The following SERPINC1 variants were observed in gnomAD, a reference collection of about 807,000 sequenced individuals.
The protein encoded by SERPINC1 is serpin family C member 1.
A neutral mutation model predicts 43.4 loss-of-function variants in SERPINC1; 12 were observed. The ratio of observed to expected loss-of-function variants is 0.28; its 90% confidence interval spans 0.18 to 0.45. The LOEUF (loss-of-function observed/expected upper bound fraction) is 0.45, where lower values mean the gene tolerates loss of function less well. SERPINC1 is among the 20% of genes least tolerant of loss of function. The pLI, the probability that SERPINC1 is intolerant of heterozygous loss-of-function variation, is 1.00. For synonymous variants in SERPINC1, 210 were observed against 218.9 expected (o/e 0.96, Z 0.36); for missense variants, 423 against 578.8 (o/e 0.73, Z 2.76).
At chr1:173,912,446 T>A (rs1221649522) in intron 2 of SERPINC1, among the ~76,000 whole-genome samples, 2 of 151,968 alleles carry the variant, frequency 1.3e-5, no homozygotes, top group Non-Finnish European at 2.9e-5. Context: ...GAAGAGTGAA[T>A]CTATCAGCAA....
intron 1 of SERPINC1, among the ~76,000 whole-genome samples, chr1:173,916,542 T>TTCA (rs2102792609): frequency 6.6e-6 from 1 of 152,264 alleles, no homozygotes; most frequent in African/African-American, 2.4e-5. Context: ...GACCCTGCCA[T>TTCA]TCATCTTCCC....
Position 173,909,861 on chromosome 1 carries a change from A to G in SERPINC1, c.844T>C (p.Ser282Pro). Reference protein sequence around the residue: ...YKADGESCSASMMYQEGKFRY... With the variant: ...YKADGESCSAPMMYQEGKFRY... Reference sequence around the variant, plus strand: ...AACTTGCCTTCCTGGTACATCATAGATGCTGAACACGACTCTCCATCAGCC... The same window carrying G: ...AACTTGCCTTCCTGGTACATCATAGGTGCTGAACACGACTCTCCATCAGCC... Residue 282 changes from serine to proline, a missense_variant, in exon 5 of 7, where the codon TCT becomes CCT. By Grantham distance (74) the Ser-to-Pro change is moderately conservative. Transcript: ENST00000367698. The G allele has an allele frequency of 6.2e-7, 1 of 1,610,664 alleles. No homozygotes were observed. The highest frequency in any genetic ancestry group is 8.5e-7 in the Non-Finnish European group (1 of 1,177,892).
At position 173,910,781 on chromosome 1, in the gene SERPINC1, C is replaced by T. The variant is rs1165785713; in HGVS notation, c.735G>A (p.Leu245=). 1.9e-6 allele frequency: 3 copies of T among 1,613,966 alleles called. No individual in the cohort carries two copies. Among genetic ancestry groups the T allele is most frequent in the African/African-American group, 2.7e-5 (2 of 74,910 alleles). ...TGAAGTAAATGGTGTTAACCAGCAC[C>T]AGAACAGTGAGCTCATTGATGGCTT... ...PSEAINELTV[L]VLVNTIYFKG... Residue 245 remains leucine (L), a synonymous_variant, in exon 4 of 7, where the codon CTG becomes CTA. Coordinates refer to ENST00000367698, the MANE Select transcript of SERPINC1 (RefSeq NM_000488.4).
chr1:173,904,849 A>G (rs1442666833), intron 6 of SERPINC1, among the ~76,000 whole-genome samples: 1 of 152,180 alleles, frequency 6.6e-6, no homozygotes, highest in Non-Finnish European at 1.5e-5. Context: ...TTAGCTTATT[A>G]GCAGACTAGA....
Position 173,910,414 on chromosome 1 carries a change from T to TA in SERPINC1, c.762+339dup, listed in dbSNP as rs201899230. On this transcript the variant is annotated intron_variant, in intron 4 of 6. Coordinates refer to ENST00000367698, the MANE Select transcript of SERPINC1 (RefSeq NM_000488.4). The stretch of plus-strand genomic sequence containing the variant: ...TAACACGGTGAAACCCCGTCTTTAC[T>TA]AAAAAAAAACCAAAAAATTAGCCAG... Among the ~76,000 whole-genome samples the TA allele has an allele frequency of 9.9e-3, 1,493 of 150,818 alleles. 20 individuals are homozygous for TA. Among genetic ancestry groups the TA allele is most frequent in the African/African-American group, 0.032 (1,312 of 41,146 alleles).
At position 173,913,841 on chromosome 1, in the gene SERPINC1, C is replaced by T. The variant is rs544724502; in HGVS notation, c.408+712G>A. Among the ~76,000 whole-genome samples, 5 of 142,248 alleles carry T rather than the reference C, an allele frequency of 3.5e-5. No individual in the cohort carries two copies. In the South Asian group the frequency reaches 8.9e-4, roughly 25 times the overall value. The allele number at this position is 142,248 out of a possible 152,430, so 93.3% of individuals were successfully genotyped here. On this transcript the variant is annotated intron_variant, in intron 2 of 6. Coordinates refer to ENST00000367698, the MANE Select transcript of SERPINC1 (RefSeq NM_000488.4). ...CTGCGCTCCAGCCTGGATGACAGAG[C>T]GAGACTCCGTCTCAAAAAAAAAAAA...
At chr1:173,907,117 C>CAAA (rs112071190) in intron 6 of SERPINC1, among the ~76,000 whole-genome samples, 1 of 138,420 alleles carries the variant, frequency 7.2e-6, no homozygotes. Context: ...AGCTCTGTCT[C>CAAA]AAAAAAAAAA....
At chr1:173,910,919 C>T in intron 3 of SERPINC1, 28 bp from the exon 4 acceptor site, 1 of 1,613,830 alleles carries the variant, frequency 6.2e-7, no homozygotes, top group Non-Finnish European at 8.5e-7. Context: ...TAAACCTACT[C>T]ACCTGTGCTA....
At chr1:173,915,012 G>C in intron 1 of SERPINC1, 93 bp from the exon 2 acceptor site, 1 of 1,549,958 alleles carries the variant, frequency 6.5e-7, no homozygotes, top group Non-Finnish European at 8.7e-7. Flanking sequence ...GAGGATTCCA[G>C]CCCACCTGGT....
intron 5 of SERPINC1, among the ~76,000 whole-genome samples, chr1:173,908,798 G>A (rs974225477): frequency 2.0e-4 from 31 of 152,124 alleles, no homozygotes; most frequent in Non-Finnish European, 3.4e-4. Flanking sequence ...GGGCTTAGAC[G>A]ATCCTCCCAC....
rs1657749825 is a variant in SERPINC1, at chr1:173,910,974, C to T, written c.625-83G>A. 3 of 1,476,058 alleles carry T rather than the reference C, an allele frequency of 2.0e-6. No homozygotes were observed. The South Asian group carries it at 3.4e-5, about 17-fold the overall frequency. The allele number at this position is 1,476,058 out of a possible 1,614,324, so 91.4% of individuals were successfully genotyped here. ...TTCCCAGGCAGCATTTTATTTTTCT[C>T]ACCATCCCTCTGTCCTTTCCCACCA... On this transcript the variant is annotated intron_variant, in intron 3 of 6. Coordinates refer to ENST00000367698, the MANE Select transcript of SERPINC1 (RefSeq NM_000488.4).
At chr1:173,916,180 G>C (rs1657982275) in intron 1 of SERPINC1, among the ~76,000 whole-genome samples, 1 of 152,226 alleles carries the variant, frequency 6.6e-6, no homozygotes, top group African/African-American at 2.4e-5. Flanking sequence ...CAAATCAAGA[G>C]ATAAAGTCTC....
Position 173,917,290 on chromosome 1 carries a change from T to G in SERPINC1, c.-31A>C. The stretch of plus-strand genomic sequence containing the variant: ...CTAATCTTCCACAGGGCTGGGCAAG[T>G]GGAGATAGTGTGATCTGAGGCAATC... On this transcript the variant is annotated 5_prime_UTR_variant, in exon 1 of 7. Transcript: ENST00000367698. 1 of 1,609,236 alleles carries G rather than the reference T, an allele frequency of 6.2e-7. No individual in the cohort carries two copies. The highest frequency in any genetic ancestry group is 8.5e-7 in the Non-Finnish European group (1 of 1,175,780).
At chr1:173,913,738 C>T (rs1657869397) in intron 2 of SERPINC1, among the ~76,000 whole-genome samples, 1 of 152,076 alleles carries the variant, frequency 6.6e-6, no homozygotes, top group Non-Finnish European at 1.5e-5. Flanking sequence ...GGCCTGTAAT[C>T]CCAGCTACTC....
intron 4 of SERPINC1, 94 bp downstream of exon 4, chr1:173,910,660 T>G (rs909184168): frequency 3.2e-5 from 40 of 1,230,844 alleles, no homozygotes; most frequent in Non-Finnish European, 4.6e-5. Context: ...CCATTTGCCC[T>G]CTCAGGGCTT....
At chr1:173,914,309 T>C (rs1417616965) in intron 2 of SERPINC1, among the ~76,000 whole-genome samples, 2 of 152,198 alleles carry the variant, frequency 1.3e-5, no homozygotes, top group Non-Finnish European at 2.9e-5. Flanking sequence ...CCTTCCCCCA[T>C]TTTAAGGTGC....
chr1:173,912,391 G>A (rs959328597), intron 2 of SERPINC1, among the ~76,000 whole-genome samples: 2 of 152,310 alleles, frequency 1.3e-5, no homozygotes, highest in African/African-American at 4.8e-5. Flanking sequence ...ACTGGGGCCA[G>A]CTGCTCATGG....
chr1:173,908,518 A>G (rs1394423571), intron 5 of SERPINC1, among the ~76,000 whole-genome samples: 1 of 150,398 alleles, frequency 6.6e-6, no homozygotes. Context: ...AAAAAGGTCA[A>G]TAAAGATAAA....
intron 2 of SERPINC1, among the ~76,000 whole-genome samples, chr1:173,913,415 C>T (rs1657852661): frequency 6.6e-6 from 1 of 152,164 alleles, no homozygotes; most frequent in Non-Finnish European, 1.5e-5. Flanking sequence ...TCCATACTTC[C>T]CAGAGCCAGA....
Sources: allele counts gnomAD v4.1 joint callset (sites outside exome capture counted in the v4.1 genomes callset), GRCh38; gene constraint gnomAD v4.1.1; transcripts MANE v1.5; gene names NCBI Gene and HGNC (gene_info 2026-07-23, HGNC 2026-07-21).